Variants in PODXL observed in about 807,000 individuals in gnomAD.
PODXL encodes podocalyxin.
A neutral mutation model predicts 48.9 loss-of-function variants in PODXL; 20 were observed. That is an observed-to-expected ratio of 0.41 (90% CI 0.29 to 0.59). The LOEUF (loss-of-function observed/expected upper bound fraction) is 0.59. Ranked by LOEUF, PODXL falls within the 20% of genes least tolerant of loss-of-function variation. The probability of loss-of-function intolerance (pLI) is 0.31; values close to 1 mark genes in which losing one functional copy is unlikely to be tolerated. For missense variants in PODXL, 606 were observed against 675.1 expected, an observed-to-expected ratio of 0.90 and a Z score of 1.13; for synonymous variants, 295 against 287.4, an observed-to-expected ratio of 1.03 and a Z score of -0.27.
intron 1 of PODXL, among the ~76,000 whole-genome samples, chr7:131,539,781 A>C (rs1006867638): frequency 1.3e-5 from 2 of 152,172 alleles, no homozygotes; most frequent in Non-Finnish European, 2.9e-5. Context: ...TGGGTGCTGC[A>C]TGTGTCCTGG....
intron 1 of PODXL, among the ~76,000 whole-genome samples, chr7:131,515,189 A>G (rs1465535733): frequency 1.3e-5 from 2 of 152,184 alleles, no homozygotes; most frequent in Non-Finnish European, 2.9e-5. Context: ...TTCAAGAAAG[A>G]GAACAACAAA....
intron 1 of PODXL, among the ~76,000 whole-genome samples, chr7:131,550,339 T>C (rs917578673): frequency 1.3e-5 from 2 of 152,170 alleles, no homozygotes; most frequent in Non-Finnish European, 2.9e-5. Context: ...AGTATAGGTT[T>C]GTCACCATCC....
Position 131,506,280 on chromosome 7 carries a change from T to C in PODXL, c.1291A>G (p.Lys431Glu), listed in dbSNP as rs758599667. Reference protein sequence around the residue: ...AKDVYERLKDKWDELKEAGVS... With the variant: ...AKDVYERLKDEWDELKEAGVS... ...CTTACCTCCTTTAGTTCATCCCATTTGTCCTTCAGCCGCTCGTACACATCC... is the reference window on the plus strand; with the variant it reads ...CTTACCTCCTTTAGTTCATCCCATTCGTCCTTCAGCCGCTCGTACACATCC... The change falls in exon 7 of 9, where the codon AAA becomes GAA. Residue 431 changes from lysine to glutamate, a missense_variant. Coordinates refer to ENST00000378555, the MANE Select transcript of PODXL (RefSeq NM_001018111.3). 6.2e-7 allele frequency: 1 copy of C among 1,614,196 alleles called. No homozygotes were observed. Among genetic ancestry groups the C allele is most frequent in the Non-Finnish European group, 8.5e-7 (1 of 1,180,014 alleles).
At chr7:131,545,039 C>G (rs1798550698) in intron 1 of PODXL, among the ~76,000 whole-genome samples, 1 of 152,170 alleles carries the variant, frequency 6.6e-6, no homozygotes, top group Non-Finnish European at 1.5e-5. Context: ...GTGATGCTGT[C>G]AGGGTCAAGG....
At chr7:131,525,503 G>C (rs574339837) in intron 1 of PODXL, among the ~76,000 whole-genome samples, 1 of 149,836 alleles carries the variant, frequency 6.7e-6, no homozygotes, top group Non-Finnish European at 1.5e-5. Context: ...CCAGCTACTC[G>C]GGAGGCAGGA....
At chr7:131,518,425 G>T (rs1348810685) in intron 1 of PODXL, among the ~76,000 whole-genome samples, 1 of 152,168 alleles carries the variant, frequency 6.6e-6, no homozygotes, top group Non-Finnish European at 1.5e-5. Flanking sequence ...GTCTGGTGAG[G>T]TCATCACTTC....
chr7:131,546,929 G>A (rs1004530163), intron 1 of PODXL, among the ~76,000 whole-genome samples: 1 of 152,094 alleles, frequency 6.6e-6, no homozygotes, highest in Non-Finnish European at 1.5e-5. Context: ...TCCCCGCACT[G>A]AGGCCCCCAG....
At chr7:131,523,819 G>A (rs567063687) in intron 1 of PODXL, among the ~76,000 whole-genome samples, 19 of 148,336 alleles carry the variant, frequency 1.3e-4, no homozygotes, top group East Asian at 1.2e-3. Flanking sequence ...TTTTGAGATG[G>A]AGACAGTCTC....
chr7:131,541,317 C>G (rs1363768108), intron 1 of PODXL, among the ~76,000 whole-genome samples: 1 of 151,844 alleles, frequency 6.6e-6, no homozygotes. Context: ...GACAGTGGAG[C>G]CTGTATCTTT....
chr7:131,523,678 CAAAAAAA>C (rs753654977), intron 1 of PODXL, among the ~76,000 whole-genome samples: 1 of 61,938 alleles, frequency 1.6e-5, no homozygotes, highest in Non-Finnish European at 2.5e-5. Flanking sequence ...GAATCCGTCT[CAAAAAAA>C]AAAAAAAAAA....
intron 8 of PODXL, 118 bp from the exon 9 acceptor site, chr7:131,504,626 TG>T: frequency 1.2e-6 from 1 of 810,710 alleles, no homozygotes; most frequent in Non-Finnish European, 2.0e-6. Flanking sequence ...AGGCCCTCAT[TG>T]CTCGCCTGTG....
chr7:131,538,326 G>C (rs1798417806), intron 1 of PODXL, among the ~76,000 whole-genome samples: 1 of 152,174 alleles, frequency 6.6e-6, no homozygotes, highest in Admixed American at 6.5e-5. Flanking sequence ...GGGCAGAAGT[G>C]CTCTGCGGGG....
intron 1 of PODXL, among the ~76,000 whole-genome samples, chr7:131,537,828 T>A (rs190599296): frequency 6.6e-6 from 1 of 152,266 alleles, no homozygotes; most frequent in Admixed American, 6.5e-5. Flanking sequence ...CCGTCGTGAC[T>A]CTTGGGTCTG....
In PODXL at chr7:131,508,885, TC is replaced by T. The variant is rs1045703622; in HGVS notation, c.1101+65del. On this transcript the variant is annotated intron_variant, in intron 5 of 8. Coordinates refer to ENST00000378555, the MANE Select transcript of PODXL (RefSeq NM_001018111.3). ...AAATGCACCTAGAAAGAACATACAT[TC>T]CCTCTCCCTCCCTCAGCCCTGCTGT... The T allele has an allele frequency of 3.6e-5, 40 of 1,097,454 alleles. 1 individual carries two copies. In the Middle Eastern group the frequency reaches 1.2e-3, roughly 34 times the overall value. The allele number at this position is 1,097,454 out of a possible 1,614,324, so 68.0% of individuals were successfully genotyped here. A position where few individuals can be genotyped will look rare whatever the true frequency, so the allele number is the denominator to read the frequency against.
chr7:131,506,478 T>C (rs1797804698), intron 6 of PODXL, 101 bp downstream of exon 6: 4 of 1,449,730 alleles, frequency 2.8e-6, no homozygotes, highest in Admixed American at 3.4e-5. Context: ...CTTAGGGAAC[T>C]GAAGGGGCAC....
chr7:131,534,896 A>G (rs1251490480), intron 1 of PODXL, among the ~76,000 whole-genome samples: 1 of 151,984 alleles, frequency 6.6e-6, no homozygotes, highest in Non-Finnish European at 1.5e-5. Flanking sequence ...CCAAAAATAC[A>G]CACAAAAAAA....
Position 131,526,739 on chromosome 7 carries a change from C to CTT in PODXL, c.101-15308_101-15307dup, listed in dbSNP as rs57935236. Reference sequence around the variant, plus strand: ...TTGTTCAATCCACAACTTCCTTACTCTTTTTTTTTTTTTTTTTTTTGAGAC... The same window carrying CTT: ...TTGTTCAATCCACAACTTCCTTACTCTTTTTTTTTTTTTTTTTTTTTTGAGAC... On this transcript the variant is annotated intron_variant, in intron 1 of 8. Coordinates refer to ENST00000378555, the MANE Select transcript of PODXL (RefSeq NM_001018111.3). Among the ~76,000 whole-genome samples, 108 of 90,504 alleles carry CTT rather than the reference C, an allele frequency of 1.2e-3. 6 individuals carry two copies. Among genetic ancestry groups the CTT allele is most frequent in the Admixed American group, 1.7e-3 (10 of 5,914 alleles). The allele number at this position is 90,504 out of a possible 152,430, so 59.4% of individuals were successfully genotyped here.
chr7:131,509,381 G>A lies in PODXL; in HGVS notation c.1007C>T (p.Ala336Val), dbSNP rs1415760161. 113 of 1,613,662 alleles carry A rather than the reference G, an allele frequency of 7.0e-5. No homozygotes were observed. The highest frequency in any genetic ancestry group is 8.9e-5 in the Non-Finnish European group (105 of 1,179,716). ...TGGAGTTACCCAGTTACTCTCATGA[G>A]CCACAGTGGGAGAAGGTGTTTTGGG... Reference protein sequence around the residue: ...RYPKTPSPTVAHESNWAKCED... With the variant: ...RYPKTPSPTVVHESNWAKCED... The change falls in exon 4 of 9, where the codon GCT becomes GTT. Residue 336 changes from alanine to valine, a missense_variant. By Grantham distance (64) the Ala-to-Val change is moderately conservative. Coordinates refer to ENST00000378555, the MANE Select transcript of PODXL (RefSeq NM_001018111.3).
At chr7:131,519,193 A>C (rs1455687161) in intron 1 of PODXL, among the ~76,000 whole-genome samples, 1 of 152,198 alleles carries the variant, frequency 6.6e-6, no homozygotes. Flanking sequence ...CAGGATATAG[A>C]GCTTTTCTCC....
Sources: allele counts gnomAD v4.1 joint callset (sites outside exome capture counted in the v4.1 genomes callset), GRCh38; gene constraint gnomAD v4.1.1; transcripts MANE v1.5; gene names NCBI Gene and HGNC (gene_info 2026-07-23, HGNC 2026-07-21).